The following TANGO6 variants were observed in gnomAD, a reference collection of about 807,000 sequenced individuals.
TANGO6 encodes transport and Golgi organization protein 6 homolog.
A neutral mutation model predicts 114.2 loss-of-function variants in TANGO6; 90 were observed. That is an observed-to-expected ratio of 0.79 (90% CI 0.66 to 0.94). The LOEUF (loss-of-function observed/expected upper bound fraction) is 0.94, where lower values mean the gene tolerates loss of function less well. TANGO6 is among the 40% of genes least tolerant of loss of function. TANGO6 has a pLI of 0.00. For synonymous variants in TANGO6, 477 were observed against 509.8 expected, an observed-to-expected ratio of 0.94 and a Z score of 0.87; for missense variants, 1,274 against 1,315.3, an observed-to-expected ratio of 0.97 and a Z score of 0.49.
At chr16:69,080,245 G>A (rs1485908950) in intron 17 of TANGO6, among the ~76,000 whole-genome samples, 2 of 152,106 alleles carry the variant, frequency 1.3e-5, no homozygotes, top group Admixed American at 1.3e-4. Context: ...AAAAAATATG[G>A]TACACAACAG....
intron 15 of TANGO6, among the ~76,000 whole-genome samples, chr16:69,007,873 G>C (rs1217544385): frequency 6.6e-6 from 1 of 152,072 alleles, no homozygotes; most frequent in East Asian, 1.9e-4. Context: ...TCTCATTATG[G>C]TTTTGATTTG....
chr16:69,065,760 C>T (rs905427972), intron 17 of TANGO6, among the ~76,000 whole-genome samples: 6 of 152,078 alleles, frequency 3.9e-5, no homozygotes, highest in African/African-American at 7.2e-5. Flanking sequence ...CTTTACTGAC[C>T]GTCCTGACGC....
At chr16:69,073,933 TG>T (rs1240542119) in intron 17 of TANGO6, among the ~76,000 whole-genome samples, 1 of 145,970 alleles carries the variant, frequency 6.9e-6, no homozygotes, top group Non-Finnish European at 1.5e-5. Context: ...CTCTCCAGCC[TG>T]GGGGGCACAG....
chr16:69,027,684 T>C (rs1256211141), intron 16 of TANGO6, among the ~76,000 whole-genome samples: 1 of 152,186 alleles, frequency 6.6e-6, no homozygotes, highest in Non-Finnish European at 1.5e-5. Flanking sequence ...ACATTTTTTT[T>C]TCTCTATTTT....
Position 68,980,383 on chromosome 16 carries a change from T to TCTCTCTCTCTCTCTCTC in TANGO6, c.2842+6215_2842+6216insCTCTCTCTCTCTCTCTC, listed in dbSNP as rs1555526453. Among the ~76,000 whole-genome samples the TCTCTCTCTCTCTCTCTC allele has an allele frequency of 1.7e-3, 62 of 36,784 alleles. 1 individual carries two copies. The highest frequency in any genetic ancestry group is 4.1e-3 in the African/African-American group (38 of 9,380). The allele number at this position is 36,784 out of a possible 152,430, so 24.1% of individuals were successfully genotyped here. A position where few individuals can be genotyped will look rare whatever the true frequency, so the allele number is the denominator to read the frequency against. On this transcript the variant is annotated intron_variant, in intron 15 of 17. Transcript: ENST00000261778. Reference sequence around the variant, plus strand: ...TGAGTATGAATCTATCTGTCTGTCATTCTCTCTCTCTCTCTCTCTCTCTCT... The same window carrying TCTCTCTCTCTCTCTCTC: ...TGAGTATGAATCTATCTGTCTGTCATCTCTCTCTCTCTCTCTCTCTCTCTCTCTCTCTCTCTCTCTCT...
intron 15 of TANGO6, among the ~76,000 whole-genome samples, chr16:68,991,025 A>G (rs1238138752): frequency 6.6e-6 from 1 of 152,202 alleles, no homozygotes; most frequent in African/African-American, 2.4e-5. Context: ...AAGACAGAAA[A>G]AAGATGTCCC....
intron 15 of TANGO6, among the ~76,000 whole-genome samples, chr16:69,011,615 C>G (rs1054246251): frequency 3.3e-5 from 5 of 151,984 alleles, no homozygotes; most frequent in African/African-American, 1.2e-4. Flanking sequence ...CTACCATACC[C>G]AGCTAATTTT....
intron 14 of TANGO6, among the ~76,000 whole-genome samples, chr16:68,934,286 CCT>C (rs751179928): frequency 6.6e-6 from 1 of 152,062 alleles, no homozygotes; most frequent in Non-Finnish European, 1.5e-5. Context: ...CTTAAGCAAT[CCT>C]CTTACTTCAG....
At chr16:68,988,799 A>G (rs905149415) in intron 15 of TANGO6, among the ~76,000 whole-genome samples, 25 of 150,224 alleles carry the variant, frequency 1.7e-4, no homozygotes, top group African/African-American at 6.2e-4. Flanking sequence ...TCCAGGGCTC[A>G]AGTGGTCCTC....
chr16:68,890,491 A>G (rs1962597596), intron 7 of TANGO6, among the ~76,000 whole-genome samples: 1 of 152,220 alleles, frequency 6.6e-6, no homozygotes. Flanking sequence ...TTCATATCCA[A>G]GTTTCCTGAC....
chr16:69,057,672 C>G (rs746248403), intron 17 of TANGO6, among the ~76,000 whole-genome samples: 1 of 152,112 alleles, frequency 6.6e-6, no homozygotes, highest in Non-Finnish European at 1.5e-5. Context: ...CTTCCAATCC[C>G]AGAAACCATG....
chr16:68,933,753 A>T (rs1042053198), intron 14 of TANGO6: 1 of 152,210 alleles, frequency 6.6e-6, no homozygotes, highest in African/African-American at 2.4e-5. Context: ...GCCCAACCCA[A>T]AAGTCAAGGG....
chr16:69,062,047 G>A (rs901719110), intron 17 of TANGO6, among the ~76,000 whole-genome samples: 1 of 151,984 alleles, frequency 6.6e-6, no homozygotes. Context: ...AATGCATTTC[G>A]GTAGCCTGTG....
chr16:68,913,256 G>GT (rs1021063359), intron 11 of TANGO6, among the ~76,000 whole-genome samples: 27 of 151,178 alleles, frequency 1.8e-4, no homozygotes, highest in Middle Eastern at 3.4e-3. Context: ...TTTTGTTTTT[G>GT]TTTTTTTTGT....
chr16:68,930,581 T>G lies in TANGO6; in HGVS notation c.2701+286T>G, dbSNP rs188342276. On this transcript the variant is annotated intron_variant, in intron 14 of 17. Coordinates refer to ENST00000261778, the MANE Select transcript of TANGO6 (RefSeq NM_024562.2). ...TCCTCTAATTCAAGGAGGTAAAGAA[T>G]GACTCACACATGAACTCTTATCACA... is the stretch of plus-strand genomic sequence containing the variant. Among the ~76,000 whole-genome samples the G allele has an allele frequency of 2.5e-3, 388 of 152,228 alleles. 4 individuals are homozygous for G. The highest frequency in any genetic ancestry group is 0.016 in the South Asian group (75 of 4,826).
At chr16:68,866,806 A>G (rs1246676051) in intron 3 of TANGO6, among the ~76,000 whole-genome samples, 2 of 152,008 alleles carry the variant, frequency 1.3e-5, no homozygotes, top group African/African-American at 4.8e-5. Context: ...GCATAGTGGC[A>G]CGTGCCTGTA....
chr16:68,900,567 T>A (rs1433168696), intron 8 of TANGO6, 21 bp downstream of exon 8: 1 of 1,547,414 alleles, frequency 6.5e-7, no homozygotes, highest in Non-Finnish European at 8.8e-7. Context: ...AAGGGACCCT[T>A]ATTTGTTTAT....
chr16:68,975,167 T>G (rs974360077), intron 15 of TANGO6, among the ~76,000 whole-genome samples: 17 of 152,292 alleles, frequency 1.1e-4, no homozygotes, highest in African/African-American at 3.4e-4. Context: ...CAACAAATCT[T>G]GTAAACAGGC....
intron 1 of TANGO6, among the ~76,000 whole-genome samples, chr16:68,851,930 T>C (rs1449895267): frequency 6.6e-6 from 1 of 152,248 alleles, no homozygotes; most frequent in Non-Finnish European, 1.5e-5. Flanking sequence ...ATTGATCATA[T>C]GTTCATGTTT....
Sources: allele counts gnomAD v4.1 joint callset (sites outside exome capture counted in the v4.1 genomes callset), GRCh38; gene constraint gnomAD v4.1.1; transcripts MANE v1.5; gene names NCBI Gene and HGNC (gene_info 2026-07-23, HGNC 2026-07-21).